The following ADAM17 variants were observed in gnomAD, a reference collection of about 807,000 sequenced individuals.
ADAM17 encodes the protein ADAM metallopeptidase domain 17.
ADAM17 carries 39 observed loss-of-function variants against 96.7 expected under a neutral mutation model. The observed-to-expected ratio is 0.40, with a 90% CI of 0.31 to 0.53. ADAM17 has a LOEUF of 0.53. Ranked by LOEUF, ADAM17 falls within the 20% of genes least tolerant of loss-of-function variation. The probability of loss-of-function intolerance (pLI) is 0.44; values close to 1 mark genes in which losing one functional copy is unlikely to be tolerated. For missense variants in ADAM17, 777 were observed against 1,013.2 expected, an observed-to-expected ratio of 0.77 and a Z score of 3.17; for synonymous variants, 344 against 359.2, an observed-to-expected ratio of 0.96 and a Z score of 0.48.
intron 17 of ADAM17, among the ~76,000 whole-genome samples, chr2:9,491,478 A>C (rs1477650584): frequency 2.6e-5 from 4 of 152,208 alleles, no homozygotes; most frequent in Non-Finnish European, 5.9e-5. Flanking sequence ...TGAAATGACA[A>C]ATGTCCCAGA....
At chr2:9,551,122 C>T (rs1665579607) in intron 1 of ADAM17, among the ~76,000 whole-genome samples, 1 of 150,954 alleles carries the variant, frequency 6.6e-6, no homozygotes, top group East Asian at 2.0e-4. Context: ...TTTGAAGTGC[C>T]AAATGGGCAG....
intron 8 of ADAM17, among the ~76,000 whole-genome samples, chr2:9,518,667 T>C (rs1664179112): frequency 6.6e-6 from 1 of 152,204 alleles, no homozygotes. Flanking sequence ...ATTTTAATCT[T>C]AAACTTTTTT....
intron 3 of ADAM17, among the ~76,000 whole-genome samples, chr2:9,536,367 A>G (rs1238630649): frequency 1.3e-5 from 2 of 152,194 alleles, no homozygotes; most frequent in Non-Finnish European, 2.9e-5. Context: ...TAGGATCACC[A>G]AGTATTTTAT....
At chr2:9,497,318 C>T (rs934086372) in intron 13 of ADAM17, 70 bp from the exon 14 acceptor site, 50 of 1,579,086 alleles carry the variant, frequency 3.2e-5, no homozygotes, top group East Asian at 6.7e-5. Flanking sequence ...GTGCATAATA[C>T]GCTGTTTCTC....
chr2:9,500,610 A>C (rs993044764), intron 13 of ADAM17, among the ~76,000 whole-genome samples: 4 of 152,254 alleles, frequency 2.6e-5, no homozygotes, highest in African/African-American at 7.2e-5. Flanking sequence ...CAAGAGAGAC[A>C]AATTTTGAAA....
intron 17 of ADAM17, among the ~76,000 whole-genome samples, chr2:9,491,893 A>G (rs981466914): frequency 1.3e-5 from 2 of 152,208 alleles, no homozygotes; most frequent in East Asian, 3.8e-4. Flanking sequence ...TTCCCTGTAA[A>G]CAAAATAGGT....
In ADAM17 at chr2:9,536,726, C is replaced by T; in HGVS notation, c.333G>A (p.Trp111Ter). 6.2e-7 allele frequency: 1 copy of T among 1,614,068 alleles called. No individual in the cohort carries two copies. The highest frequency in any genetic ancestry group is 8.5e-7 in the Non-Finnish European group (1 of 1,179,990). Reference protein sequence around the residue: ...GKNESEYTVKWQDFFTGHVVG... With the variant: ...GKNESEYTVK ...CCACGTGTCCAGTGAAGAAGTCCTG[C>T]CATTTTACAGTGTACTCGCTTTCGT... The change falls in exon 3 of 19, where the codon TGG (tryptophan) becomes TGA (stop). Residue 111 changes from tryptophan (W) to a stop codon, truncating the protein, a stop_gained. Transcript: ENST00000310823. LOFTEE classifies it high-confidence loss of function.
At chr2:9,519,447 A>G (rs1282029098) in intron 8 of ADAM17, among the ~76,000 whole-genome samples, 3 of 152,212 alleles carry the variant, frequency 2.0e-5, no homozygotes, top group African/African-American at 7.2e-5. Flanking sequence ...GCAGTGGTTC[A>G]GCTGTTCTAG....
chr2:9,548,029 T>C (rs1398580075), intron 1 of ADAM17, among the ~76,000 whole-genome samples: 2 of 151,168 alleles, frequency 1.3e-5, no homozygotes, highest in Non-Finnish European at 2.9e-5. Flanking sequence ...ATCGTGCCAC[T>C]GCACTCCAGC....
At chr2:9,546,029 T>G (rs1361403980) in intron 1 of ADAM17, among the ~76,000 whole-genome samples, 2 of 148,824 alleles carry the variant, frequency 1.3e-5, no homozygotes, top group Admixed American at 1.4e-4. Context: ...GCCCAGGAGG[T>G]CAAGGCTGCA....
rs1572881414 is a variant in ADAM17 at position 9,494,880 on chromosome 2, T to A, written c.1784-113A>T. On this transcript the variant is annotated intron_variant, in intron 14 of 18. Transcript: ENST00000310823. ...AAAGAGGTAAGAAATCACATTTATTTTTTATTTAAATAGCTAATACTATCC... is the reference window on the plus strand; with the variant it reads ...AAAGAGGTAAGAAATCACATTTATTATTTATTTAAATAGCTAATACTATCC... 13 of 1,365,228 alleles carry A rather than the reference T, an allele frequency of 9.5e-6. No homozygotes were observed. The East Asian group carries it at 3.1e-4, about 33-fold the overall frequency. 84.6% of individuals were successfully genotyped at this position (1,365,228 alleles called of 1,614,324 possible).
In ADAM17 at chr2:9,518,256, GACC is replaced by G; in HGVS notation, c.958-12_958-10del. 1 of 538,470 alleles carries G rather than the reference GACC, an allele frequency of 1.9e-6. No individual in the cohort carries two copies. Among genetic ancestry groups the G allele is most frequent in the Non-Finnish European group, 2.3e-6 (1 of 427,460 alleles). 33.4% of individuals were successfully genotyped at this position (538,470 alleles called of 1,614,324 possible). ...ATATCAAAGCTAAATTGCTTTGAAA[GACC>G]AAAAAAAAAAAAAAAAAAAAAAGCA... On this transcript the variant is annotated splice_polypyrimidine_tract_variant and intron_variant, in intron 8 of 18. Transcript: ENST00000310823.
chr2:9,508,368 G>A (rs901961112), intron 11 of ADAM17, among the ~76,000 whole-genome samples: 7 of 152,060 alleles, frequency 4.6e-5, no homozygotes, highest in Non-Finnish European at 8.8e-5. Flanking sequence ...CTACATCCGC[G>A]CTACTTTTCC....
chr2:9,505,263 C>A lies in ADAM17; in HGVS notation c.1447G>T (p.Val483Leu). The change falls in exon 12 of 19, where the codon GTG (valine) becomes TTG (leucine). Residue 483 changes from valine to leucine, a missense_variant. Val to Leu is a conservative substitution (Grantham distance 32). Around this residue, in one of 3 missense-constraint regions of ADAM17, gnomAD observed 446 missense variants for 664.7 expected, o/e 0.67. Coordinates refer to ENST00000310823, the MANE Select transcript of ADAM17 (RefSeq NM_003183.6). ...GGATCACACTCTTCTCCTTCATCCACCCTCGAGTTCCCACAAACTTTATTG... is the reference window on the plus strand; with the variant it reads ...GGATCACACTCTTCTCCTTCATCCAACCTCGAGTTCCCACAAACTTTATTG... ...RSNKVCGNSR[V>L]DEGEECDPGI... 1.9e-6 allele frequency: 3 copies of A among 1,614,188 alleles called. No homozygotes were observed. The highest frequency in any genetic ancestry group is 2.5e-6 in the Non-Finnish European group (3 of 1,180,036).
chr2:9,552,143 T>C (rs1665607824), intron 1 of ADAM17, among the ~76,000 whole-genome samples: 1 of 152,202 alleles, frequency 6.6e-6, no homozygotes, highest in South Asian at 2.1e-4. Context: ...TCCTTTCCTA[T>C]CAATCTTTTT....
At chr2:9,492,437 C>G (rs1025844908) in intron 17 of ADAM17, among the ~76,000 whole-genome samples, 1 of 152,176 alleles carries the variant, frequency 6.6e-6, no homozygotes, top group Non-Finnish European at 1.5e-5. Context: ...CTCTATATGA[C>G]AGCTGGGCCC....
intron 12 of ADAM17, among the ~76,000 whole-genome samples, chr2:9,502,977 A>G (rs1343579830): frequency 6.6e-6 from 1 of 151,450 alleles, no homozygotes; most frequent in Non-Finnish European, 1.5e-5. Context: ...CGTCTCTACT[A>G]AAGATACAAA....
intron 13 of ADAM17, among the ~76,000 whole-genome samples, chr2:9,498,355 CAAAG>C (rs542199726): frequency 5.1e-4 from 78 of 152,158 alleles, no homozygotes; most frequent in African/African-American, 1.8e-3. Flanking sequence ...GAAAACCCAC[CAAAG>C]AAAGTTAAAC....
chr2:9,522,441 TAAAAA>T (rs1174109492), intron 7 of ADAM17: 3 of 605,214 alleles, frequency 5.0e-6, no homozygotes, highest in Non-Finnish European at 9.3e-6. Flanking sequence ...AATAATAACT[TAAAAA>T]GAAAATGCGT....
Sources: gnomAD v4.1 joint callset for allele counts (sites outside exome capture counted in the v4.1 genomes callset) on GRCh38, gnomAD v4.1.1 for gene constraint, gnomAD v4.1.1 regional missense constraint, MANE v1.5 for transcripts, NCBI Gene and HGNC (gene_info 2026-07-23, HGNC 2026-07-21) for gene names.